RFX7: variants seen among roughly 807,000 people sequenced by gnomAD.
The protein encoded by RFX7 is DNA-binding protein RFX7.
RFX7 carries 26 observed loss-of-function variants against 111.8 expected under a neutral mutation model. The observed-to-expected ratio is 0.23, with a 90% CI of 0.17 to 0.32. The LOEUF (loss-of-function observed/expected upper bound fraction) is 0.32. Among genes scored for constraint, RFX7 ranks in the 10% least tolerant of loss-of-function variants. RFX7 has a pLI of 1.00. For synonymous variants in RFX7, 624 were observed against 624.4 expected (o/e 1.00, Z 0.01); for missense variants, 1,573 against 1,772.9 (o/e 0.89, Z 2.02).
intron 2 of RFX7, among the ~76,000 whole-genome samples, chr15:56,212,681 T>C (rs1466763713): frequency 6.6e-6 from 1 of 152,046 alleles, no homozygotes; most frequent in Non-Finnish European, 1.5e-5. Flanking sequence ...ATAAAGTTTA[T>C]TTTTTAAAAA....
chr15:56,203,541 C>T (rs1210927901), intron 2 of RFX7, among the ~76,000 whole-genome samples: 2 of 152,174 alleles, frequency 1.3e-5, no homozygotes, highest in African/African-American at 2.4e-5. Flanking sequence ...TACTGGGCTG[C>T]ATTCCCAGAC....
At chr15:56,220,297 C>T (rs2043411403) in intron 2 of RFX7, among the ~76,000 whole-genome samples, 1 of 152,114 alleles carries the variant, frequency 6.6e-6, no homozygotes, top group East Asian at 1.9e-4. Context: ...GTGGCGTGAT[C>T]TCGGCTCACT....
chr15:56,183,783 G>T (rs2043002698), intron 2 of RFX7, among the ~76,000 whole-genome samples: 1 of 152,098 alleles, frequency 6.6e-6, no homozygotes, highest in African/African-American at 2.4e-5. Context: ...TTTTTGGACT[G>T]TATTAATGTT....
At chr15:56,112,167 C>T (rs1250321784) in intron 5 of RFX7, among the ~76,000 whole-genome samples, 1 of 150,286 alleles carries the variant, frequency 6.7e-6, no homozygotes, top group African/African-American at 2.4e-5. Context: ...TTTCATTTGG[C>T]AGATGAGAAA....
chr15:56,203,939 C>G (rs749316031), intron 2 of RFX7, among the ~76,000 whole-genome samples: 1 of 152,090 alleles, frequency 6.6e-6, no homozygotes, highest in Non-Finnish European at 1.5e-5. Flanking sequence ...ACTCTATGGT[C>G]CTGCCCTGAA....
At position 56,094,278 on chromosome 15, in the gene RFX7, A is replaced by G; in HGVS notation, c.3450T>C (p.Asp1150=). The change falls in exon 10 of 10, where the codon GAT becomes GAC. Residue 1150 remains aspartate (D), a synonymous_variant. Coordinates refer to ENST00000559447, the MANE Select transcript of RFX7 (RefSeq NM_022841.7). ...TGGCAGATGAATTAGTTCCTTTATT[A>G]TCAAGAGGGGCAGGGACTGCAAAAC... The part of the protein sequence containing the change: ...QEGFAVPAPL[D]NKGTNSSASS... The G allele has an allele frequency of 6.2e-7, 1 of 1,614,006 alleles. No homozygotes were observed. Among genetic ancestry groups the G allele is most frequent in the South Asian group, 1.1e-5 (1 of 91,086 alleles).
Position 56,095,799 on chromosome 15 carries a change from G to C in RFX7, c.1929C>G (p.Asp643Glu). Residue 643 changes from aspartate (D) to glutamate (E), a missense_variant, in exon 10 of 10, where the codon GAC becomes GAG. Asp to Glu is a conservative substitution (Grantham distance 45). Around this residue, in one of 7 missense-constraint regions of RFX7, gnomAD observed 625 missense variants for 632.2 expected, o/e 0.99. Transcript: ENST00000559447. ...FTSSSSPPNG[D>E]SINKDPKLCT... ...ATAATTTAGGGTCTTTATTGATTGA[G>C]TCACCATTAGGTGGTGAGCTGCTGC... The C allele has an allele frequency of 6.2e-7, 1 of 1,612,572 alleles. No homozygotes were observed. Among genetic ancestry groups the C allele is most frequent in the South Asian group, 1.1e-5 (1 of 91,078 alleles).
At chr15:56,111,453 G>A (rs1470425118) in intron 5 of RFX7, among the ~76,000 whole-genome samples, 1 of 151,040 alleles carries the variant, frequency 6.6e-6, no homozygotes, top group Non-Finnish European at 1.5e-5. Context: ...AAGGCAGCAT[G>A]CTCGTTAAGA....
intron 2 of RFX7, among the ~76,000 whole-genome samples, chr15:56,228,641 A>T (rs1372450427): frequency 6.6e-6 from 1 of 152,232 alleles, no homozygotes; most frequent in Non-Finnish European, 1.5e-5. Context: ...TTAGAGGAAA[A>T]GTGTATACTT....
chr15:56,134,689 T>C (rs1234601475), intron 5 of RFX7, among the ~76,000 whole-genome samples: 1 of 150,540 alleles, frequency 6.6e-6, no homozygotes, highest in Admixed American at 6.6e-5. Context: ...TACATATGTA[T>C]ACATGTGCCA....
intron 5 of RFX7, among the ~76,000 whole-genome samples, chr15:56,135,072 C>T (rs1351291421): frequency 6.6e-6 from 1 of 152,192 alleles, no homozygotes; most frequent in Non-Finnish European, 1.5e-5. Flanking sequence ...CTGCAATAAA[C>T]ATACGTGTGC....
At chr15:56,213,590 A>C (rs960856123) in intron 2 of RFX7, among the ~76,000 whole-genome samples, 14 of 152,184 alleles carry the variant, frequency 9.2e-5, no homozygotes, top group Admixed American at 8.5e-4. Context: ...TTGCAGTGAC[A>C]AAAACGTTTT....
At position 56,094,817 on chromosome 15, in the gene RFX7, C is replaced by T. The variant is rs2041648414; in HGVS notation, c.2911G>A (p.Gly971Arg). ...CTCTCCCGTGACAGACTCTGAGATC[C>T]AGCAATCATTTCAGATGTCGGGGTT... ...TPTPTSEMIAGSQSLSRESPC... is the reference protein window; with the variant it reads ...TPTPTSEMIARSQSLSRESPC... Residue 971 changes from glycine to arginine, a missense_variant, in exon 10 of 10, where the codon GGA becomes AGA. Around this residue, in one of 7 missense-constraint regions of RFX7, gnomAD observed 625 missense variants for 632.2 expected, o/e 0.99. Coordinates refer to ENST00000559447, the MANE Select transcript of RFX7 (RefSeq NM_022841.7). 7 of 1,582,622 alleles carry T rather than the reference C, an allele frequency of 4.4e-6. No homozygotes were observed. The highest frequency in any genetic ancestry group is 6.0e-6 in the Non-Finnish European group (7 of 1,163,854).
intron 3 of RFX7, among the ~76,000 whole-genome samples, chr15:56,169,774 T>G (rs1357543373): frequency 2.0e-5 from 3 of 151,390 alleles, no homozygotes; most frequent in Non-Finnish European, 4.4e-5. Context: ...CTTCCTGCAT[T>G]TATGCAATAA....
At chr15:56,101,953 C>T (rs1465941018) in intron 7 of RFX7, among the ~76,000 whole-genome samples, 2 of 152,098 alleles carry the variant, frequency 1.3e-5, no homozygotes, top group East Asian at 1.9e-4. Flanking sequence ...TTGGAAATAT[C>T]GAGAAATCAG....
intron 2 of RFX7, among the ~76,000 whole-genome samples, chr15:56,240,087 T>C (rs1391338722): frequency 7.5e-6 from 1 of 133,746 alleles, no homozygotes; most frequent in Non-Finnish European, 1.6e-5. Flanking sequence ...TAGGTAAAAA[T>C]ACATGGGTTA....
rs1204181980 is a variant in RFX7 at position 56,102,021 on chromosome 15, C to T, written c.603+148G>A. ...TGTTGACGTAGGTCATATACACTAA[C>T]ATTTTTCAGCCACTGTGTGATTTTT... On this transcript the variant is annotated intron_variant, in intron 7 of 9. Coordinates refer to ENST00000559447, the MANE Select transcript of RFX7 (RefSeq NM_022841.7). 7 of 631,090 alleles carry T rather than the reference C, an allele frequency of 1.1e-5. No homozygotes were observed. The Admixed American group carries it at 2.2e-4, about 20-fold the overall frequency. 39.1% of individuals were successfully genotyped at this position (631,090 alleles called of 1,614,324 possible).
rs115899921 is a variant in RFX7 at position 56,147,578 on chromosome 15, A to T, written c.196-3095T>A. Among the ~76,000 whole-genome samples the T allele has an allele frequency of 8.1e-3, 1,203 of 148,234 alleles. 18 individuals are homozygous for T. The highest frequency in any genetic ancestry group is 0.028 in the African/African-American group (1,150 of 40,588). On this transcript the variant is annotated intron_variant, in intron 3 of 9. Transcript: ENST00000559447. ...ATATTTTACTACAATAAAAAATCTA[A>T]TTTTTTTTTTTTTGAGGTGGAGTCT...
chr15:56,167,225 T>G (rs2042793657), intron 3 of RFX7, among the ~76,000 whole-genome samples: 1 of 152,140 alleles, frequency 6.6e-6, no homozygotes, highest in Non-Finnish European at 1.5e-5. Flanking sequence ...GAAGGATCAC[T>G]TGAGTTGAGC....
Sources: allele counts gnomAD v4.1 joint callset (sites outside exome capture counted in the v4.1 genomes callset), GRCh38; gene constraint gnomAD v4.1.1; regional missense constraint gnomAD v4.1.1; transcripts MANE v1.5; gene names NCBI Gene and HGNC (gene_info 2026-07-23, HGNC 2026-07-21).